The following PCDH15 variants were observed in gnomAD, a reference collection of about 807,000 sequenced individuals.
PCDH15 encodes protocadherin-15.
A neutral mutation model predicts 178.5 loss-of-function variants in PCDH15; 129 were observed. The ratio of observed to expected loss-of-function variants is 0.72; its 90% CI spans 0.63 to 0.84. The LOEUF is 0.84. Among genes scored for constraint, PCDH15 ranks in the 40% least tolerant of loss-of-function variants. The pLI is 0.00. For missense variants in PCDH15, 2,230 were observed against 2,099.9 expected (o/e 1.06, Z -1.21); for synonymous variants, 800 against 732.0 (o/e 1.09, Z -1.50).
intron 1 of PCDH15, among the ~76,000 whole-genome samples, chr10:55,289,889 T>C (rs1842965114): frequency 6.6e-6 from 1 of 151,868 alleles, no homozygotes; most frequent in Non-Finnish European, 1.5e-5. Flanking sequence ...CGGGACTGAG[T>C]GAGTTTTCTT....
At chr10:54,051,383 C>T (rs968923833) in intron 18 of PCDH15, among the ~76,000 whole-genome samples, 20 of 152,084 alleles carry the variant, frequency 1.3e-4, no homozygotes, top group Admixed American at 2.6e-4. Context: ...ACTTGTTGAA[C>T]GGCTTTGACC....
chr10:54,123,362 C>T (rs2132905796), intron 15 of PCDH15, among the ~76,000 whole-genome samples: 1 of 152,050 alleles, frequency 6.6e-6, no homozygotes, highest in South Asian at 2.1e-4. Flanking sequence ...GAGTAAAAGA[C>T]ATTAATAGGC....
intron 2 of PCDH15, among the ~76,000 whole-genome samples, chr10:55,398,693 T>G (rs1323382671): frequency 6.6e-6 from 1 of 152,156 alleles, no homozygotes; most frequent in African/African-American, 2.4e-5. Flanking sequence ...CCATCTGGCA[T>G]ATTATATGCT....
chr10:53,865,575 T>C (rs1307324325), intron 27 of PCDH15, among the ~76,000 whole-genome samples: 1 of 152,214 alleles, frequency 6.6e-6, no homozygotes, highest in Non-Finnish European at 1.5e-5. Flanking sequence ...CCGATCTTAA[T>C]TTGATCAAAA....
intron 2 of PCDH15, among the ~76,000 whole-genome samples, chr10:55,345,923 A>G (rs1455302333): frequency 6.6e-6 from 1 of 152,098 alleles, no homozygotes; most frequent in Non-Finnish European, 1.5e-5. Flanking sequence ...TGTGGATATT[A>G]ACAGTCATTA....
chr10:55,414,765 C>A (rs1289227703), intron 2 of PCDH15, among the ~76,000 whole-genome samples: 1 of 126,280 alleles, frequency 7.9e-6, no homozygotes, highest in East Asian at 2.2e-4. Flanking sequence ...TTATTTCTAA[C>A]AAGGGGTGTG....
At chr10:55,294,278 G>A (rs1468793148) in intron 1 of PCDH15, among the ~76,000 whole-genome samples, 6 of 152,144 alleles carry the variant, frequency 3.9e-5, no homozygotes, top group African/African-American at 4.8e-5. Flanking sequence ...GGGAATTCAC[G>A]ATGAGATTTG....
At chr10:54,251,475 A>G (rs1200948510) in intron 8 of PCDH15, among the ~76,000 whole-genome samples, 1 of 152,140 alleles carries the variant, frequency 6.6e-6, no homozygotes, top group Non-Finnish European at 1.5e-5. Context: ...TCGTTGCTTT[A>G]TTCTCCTAGT....
chr10:53,812,765 C>G (rs1379890703), intron 35 of PCDH15, among the ~76,000 whole-genome samples: 1 of 152,020 alleles, frequency 6.6e-6, no homozygotes, highest in Non-Finnish European at 1.5e-5. Flanking sequence ...AAATTCATTT[C>G]GCAATGGAAT....
At chr10:55,223,896 G>A (rs1401046545) in intron 1 of PCDH15, among the ~76,000 whole-genome samples, 4 of 151,968 alleles carry the variant, frequency 2.6e-5, no homozygotes, top group Admixed American at 6.6e-5. Flanking sequence ...TCAGTTTACC[G>A]CACATAGTAC....
chr10:54,650,215 T>G (rs2094225432), intron 2 of PCDH15, among the ~76,000 whole-genome samples: 1 of 152,106 alleles, frequency 6.6e-6, no homozygotes, highest in African/African-American at 2.4e-5. Context: ...TGTTAAAATT[T>G]TACATTATAA....
At chr10:54,184,778 A>C (rs1392794271) in intron 12 of PCDH15, among the ~76,000 whole-genome samples, 2 of 152,128 alleles carry the variant, frequency 1.3e-5, no homozygotes. Flanking sequence ...GCTCAACCTT[A>C]TGACTAAATA....
chr10:54,768,977 C>T (rs1948802887), intron 1 of PCDH15, among the ~76,000 whole-genome samples: 1 of 152,100 alleles, frequency 6.6e-6, no homozygotes, highest in African/African-American at 2.4e-5. Context: ...TTTGGAAATG[C>T]TCGTTCATTT....
At chr10:55,453,929 C>A (rs2132084168) in intron 2 of PCDH15, among the ~76,000 whole-genome samples, 1 of 152,142 alleles carries the variant, frequency 6.6e-6, no homozygotes, top group South Asian at 2.1e-4. Context: ...GTCATTTTCA[C>A]CCCTTCACAT....
chr10:55,126,508 T>C (rs754223323), intron 2 of PCDH15, among the ~76,000 whole-genome samples: 3 of 152,086 alleles, frequency 2.0e-5, no homozygotes, highest in African/African-American at 4.8e-5. Flanking sequence ...ATCTTCTTTT[T>C]TGGTGAATGG....
intron 9 of PCDH15, among the ~76,000 whole-genome samples, chr10:54,235,310 C>A (rs757716525): frequency 6.6e-6 from 1 of 152,166 alleles, no homozygotes; most frequent in South Asian, 2.1e-4. Flanking sequence ...AGAAAACTGG[C>A]TCCACAAAGT....
At chr10:54,735,757 A>G (rs1944021170) in intron 1 of PCDH15, among the ~76,000 whole-genome samples, 1 of 116,230 alleles carries the variant, frequency 8.6e-6, no homozygotes, top group Non-Finnish European at 1.8e-5. Flanking sequence ...TCAGTAAACT[A>G]TCGCAAGAAC....
chr10:54,143,604 T>C (rs944654615), intron 14 of PCDH15, among the ~76,000 whole-genome samples: 1 of 152,188 alleles, frequency 6.6e-6, no homozygotes, highest in African/African-American at 2.4e-5. Flanking sequence ...GAGCAATAAT[T>C]GATTGCATGG....
At chr10:55,142,598 A>G (rs1180992386) in intron 2 of PCDH15, among the ~76,000 whole-genome samples, 3 of 150,038 alleles carry the variant, frequency 2.0e-5, no homozygotes, top group Admixed American at 6.7e-5. Flanking sequence ...TGCATATACT[A>G]CAGTTATTTT....
Sources: gnomAD v4.1 joint callset for allele counts (sites outside exome capture counted in the v4.1 genomes callset) on GRCh38, gnomAD v4.1.1 for gene constraint, MANE v1.5 for transcripts, NCBI Gene and HGNC (gene_info 2026-07-23, HGNC 2026-07-21) for gene names.